Variants in ABCA12 observed in about 807,000 individuals in gnomAD.
ABCA12 encodes the protein glucosylceramide transporter ABCA12.
ABCA12 carries 156 observed loss-of-function variants against 293.5 expected under a neutral mutation model. That is an observed-to-expected ratio of 0.53 (90% CI 0.47 to 0.61). The LOEUF (loss-of-function observed/expected upper bound fraction) is 0.61, where lower values mean the gene tolerates loss of function less well. ABCA12 is among the 20% of genes least tolerant of loss of function. ABCA12 has a pLI of 0.00. For missense variants in ABCA12, 2,797 were observed against 3,090.2 expected (o/e 0.91, Z 2.25); for synonymous variants, 1,063 against 1,108.0 (o/e 0.96, Z 0.81).
intron 2 of ABCA12, among the ~76,000 whole-genome samples, chr2:215,069,273 T>A (rs984444950): frequency 1.3e-5 from 2 of 151,828 alleles, no homozygotes; most frequent in Admixed American, 6.6e-5. Context: ...AGTGGCAGAA[T>A]AAGTGTCAGG....
rs1179368008 is a variant in ABCA12 at position 215,026,855 on chromosome 2, CTCACACATGCCAAG to C, written c.1131_1144del (p.Tyr377Ter). On this transcript the variant is annotated stop_gained and frameshift_variant, in exon 10 of 53. Coordinates refer to ENST00000272895, the MANE Select transcript of ABCA12 (RefSeq NM_173076.3). LOFTEE classifies it high-confidence loss of function. ...TCTGGCCAAACTGTCAGTCACATTTCTCACACATGCCAAGTAAGGAATATAAGGACTATTTGCTG... is the reference window on the plus strand; with the variant it reads ...TCTGGCCAAACTGTCAGTCACATTTCTAAGGAATATAAGGACTATTTGCTG... 1.2e-6 allele frequency: 2 copies of C among 1,613,432 alleles called. No individual in the cohort carries two copies. The highest frequency in any genetic ancestry group is 1.7e-6 in the Non-Finnish European group (2 of 1,179,404).
intron 11 of ABCA12, among the ~76,000 whole-genome samples, chr2:215,021,297 T>G (rs1419091689): frequency 6.6e-6 from 1 of 152,264 alleles, no homozygotes; most frequent in Non-Finnish European, 1.5e-5. Flanking sequence ...TTGACGTTAT[T>G]TTCTCTCTTA....
chr2:215,022,685 C>CA (rs1345957612), intron 11 of ABCA12: 2 of 152,098 alleles, frequency 1.3e-5, no homozygotes, highest in Admixed American at 1.3e-4. Context: ...CTGAATTCTC[C>CA]ACTGCCTGAT....
Position 214,980,621 on chromosome 2 carries a change from C to T in ABCA12, c.4602G>A (p.Thr1534=), listed in dbSNP as rs772273744. The T allele has an allele frequency of 1.2e-5, 20 of 1,614,018 alleles. No individual in the cohort carries two copies. Among genetic ancestry groups the T allele is most frequent in the Non-Finnish European group, 1.7e-5 (20 of 1,179,962 alleles). The stretch of plus-strand genomic sequence containing the variant: ...GCACTTCAGCCTCGTCCAAGTGGTG[C>T]GTTGACAGAATGATTGTTCTGGCTT... The part of the protein sequence containing the change: ...NKTARTIILS[T]HHLDEAEVLS... The change falls in exon 31 of 53, where the codon ACG becomes ACA. Residue 1534 remains threonine (T), a synonymous_variant. Coordinates refer to ENST00000272895, the MANE Select transcript of ABCA12 (RefSeq NM_173076.3).
intron 2 of ABCA12, among the ~76,000 whole-genome samples, chr2:215,097,134 GA>G (rs1702262412): frequency 6.6e-6 from 1 of 152,116 alleles, no homozygotes; most frequent in Non-Finnish European, 1.5e-5. Flanking sequence ...GAGGTTCAGA[GA>G]AAGTTCCCTG....
intron 6 of ABCA12, among the ~76,000 whole-genome samples, chr2:215,047,743 T>C (rs1191049261): frequency 6.6e-6 from 1 of 152,066 alleles, no homozygotes; most frequent in African/African-American, 2.4e-5. Flanking sequence ...GGCAACACAA[T>C]TCTAGACACA....
rs1699621513 is a variant in ABCA12 at position 214,980,469 on chromosome 2, T to C, written c.4740+14A>G. 4.3e-6 allele frequency: 7 copies of C among 1,612,832 alleles called. No homozygotes were observed. The highest frequency in any genetic ancestry group is 5.9e-6 in the Non-Finnish European group (7 of 1,179,918). On this transcript the variant is annotated intron_variant, in intron 31 of 52. Transcript: ENST00000272895. ...TATGGTGCCATAATGAGATATATTT[T>C]CTCCCATTCCTACCTTCTTCTTGGT...
At chr2:214,994,005 T>TGAGTTGG (rs954913566) in intron 23 of ABCA12, among the ~76,000 whole-genome samples, 1 of 152,038 alleles carries the variant, frequency 6.6e-6, no homozygotes, top group Admixed American at 6.6e-5. Context: ...TGAAACAGGG[T>TGAGTTGG]GAGTTAGGTG....
intron 50 of ABCA12, among the ~76,000 whole-genome samples, chr2:214,938,808 T>A (rs1466714025): frequency 2.0e-5 from 3 of 152,154 alleles, no homozygotes; most frequent in Non-Finnish European, 4.4e-5. Context: ...GATGGGTTTT[T>A]TTTGTTTCTT....
intron 1 of ABCA12, among the ~76,000 whole-genome samples, chr2:215,136,467 T>C (rs1000566059): frequency 6.6e-6 from 1 of 152,200 alleles, no homozygotes; most frequent in Non-Finnish European, 1.5e-5. Context: ...TGTTTTTTTT[T>C]CCTATAACTT....
chr2:214,971,748 T>C (rs1301057468), intron 36 of ABCA12, among the ~76,000 whole-genome samples: 1 of 152,204 alleles, frequency 6.6e-6, no homozygotes, highest in Middle Eastern at 3.2e-3. Context: ...GTGAGCATTA[T>C]TCACATTTCT....
At chr2:215,134,357 T>TATATATGTACATATATAC (rs1703138464) in intron 1 of ABCA12, among the ~76,000 whole-genome samples, 2 of 140,994 alleles carry the variant, frequency 1.4e-5, no homozygotes, top group African/African-American at 5.2e-5. Context: ...TGTGTATATA[T>TATATATGTACATATATAC]GTATATGTGT....
At chr2:215,031,730 T>C in intron 9 of ABCA12, 91 bp downstream of exon 9, 1 of 1,501,774 alleles carries the variant, frequency 6.7e-7, no homozygotes, top group Non-Finnish European at 9.2e-7. Context: ...TCCATGCTTA[T>C]ATACACTGAT....
rs150267101 is a variant in ABCA12, at chr2:215,009,806, G to A, written c.2472+525C>T. ...ATTAAAGCCAACTTTAAAGTGAGAGGGAAATACTATTATGGTTAAATGAAG... is the reference window on the plus strand; with the variant it reads ...ATTAAAGCCAACTTTAAAGTGAGAGAGAAATACTATTATGGTTAAATGAAG... On this transcript the variant is annotated intron_variant, in intron 18 of 52. Coordinates refer to ENST00000272895, the MANE Select transcript of ABCA12 (RefSeq NM_173076.3). 4.1e-3 allele frequency among the ~76,000 whole-genome samples: 617 copies of A among 152,178 alleles called. 2 individuals are homozygous for A. The highest frequency in any genetic ancestry group is 5.7e-3 in the Non-Finnish European group (386 of 67,996).
At chr2:214,971,577 T>C (rs1198611197) in intron 36 of ABCA12, among the ~76,000 whole-genome samples, 1 of 152,224 alleles carries the variant, frequency 6.6e-6, no homozygotes, top group Non-Finnish European at 1.5e-5. Context: ...TTTATATTAA[T>C]GGAATAGTAT....
At chr2:215,015,431 TAATTA>T in intron 15 of ABCA12, 54 bp downstream of exon 15, 4 of 1,462,306 alleles carry the variant, frequency 2.7e-6, no homozygotes, top group Non-Finnish European at 3.8e-6. Flanking sequence ...CATAAATGTA[TAATTA>T]AATAGTTTTA....
chr2:215,107,077 G>A (rs545699064), intron 2 of ABCA12, among the ~76,000 whole-genome samples: 3 of 152,098 alleles, frequency 2.0e-5, no homozygotes, highest in East Asian at 1.9e-4. Flanking sequence ...GAAAAACATT[G>A]TTTTTCATAA....
chr2:214,959,063 C>T lies in ABCA12; in HGVS notation c.5900G>A (p.Ser1967Asn). ...DAARHGIIMY[S>N]HPYPGVQDQE... ...GTCTTGCACTCCTGGATAAGGATGG[C>T]TATACATGATGATGCCTTAAAGACG... is the stretch of plus-strand genomic sequence containing the variant. The change falls in exon 40 of 53, where the codon AGC (serine) becomes AAC (asparagine). Residue 1967 changes from serine to asparagine, a missense_variant. This residue lies in a region of ABCA12 where 2,130 missense variants were observed against 2,427.0 expected (regional missense o/e 0.88). Transcript: ENST00000272895. 2 of 1,613,832 alleles carry T rather than the reference C, an allele frequency of 1.2e-6. No individual in the cohort carries two copies. The highest frequency in any genetic ancestry group is 1.7e-6 in the Non-Finnish European group (2 of 1,179,780).
intron 50 of ABCA12, among the ~76,000 whole-genome samples, chr2:214,940,859 TTTC>T (rs1698377585): frequency 6.6e-6 from 1 of 152,248 alleles, no homozygotes; most frequent in African/African-American, 2.4e-5. Context: ...TCTTCTCTCT[TTTC>T]TTCTTTATTA....
Sources: allele counts gnomAD v4.1 joint callset (sites outside exome capture counted in the v4.1 genomes callset), GRCh38; gene constraint gnomAD v4.1.1; regional missense constraint gnomAD v4.1.1; transcripts MANE v1.5; gene names NCBI Gene and HGNC (gene_info 2026-07-23, HGNC 2026-07-21).